Variants in OR5T2 observed in about 807,000 individuals in gnomAD.
The protein encoded by OR5T2 is olfactory receptor family 5 subfamily T member 2, also known as olfactory receptor 5T2.
A neutral mutation model predicts 13.7 loss-of-function variants in OR5T2; 12 were observed. That is an observed-to-expected ratio of 0.88 (90% CI 0.56 to 1.42). The LOEUF (loss-of-function observed/expected upper bound fraction) is 1.42, where lower values mean the gene tolerates loss of function less well. Ranked by LOEUF, OR5T2 falls within the 40% of genes most tolerant of loss-of-function variation. OR5T2 has a pLI of 0.00. For missense variants in OR5T2, 475 were observed against 372.0 expected, an observed-to-expected ratio of 1.28 and a Z score of -2.28; for synonymous variants, 146 against 139.5, an observed-to-expected ratio of 1.05 and a Z score of -0.33.
Position 56,232,513 on chromosome 11 carries a change from C to G in OR5T2, c.550G>C (p.Ala184Pro), listed in dbSNP as rs141670300. ...GTGTGAGTGTCAGAATAAGAAATAG[C>G]AAGGAGAGGAGGGATATCACAAAAG... The part of the protein sequence containing the change: ...RVFCDIPPLL[A>P]ISYSDTHTNQ... The change falls in exon 2 of 2, where the codon GCT becomes CCT. Residue 184 changes from alanine (A) to proline (P), a missense_variant. By Grantham distance (27) the Ala-to-Pro change is conservative. Coordinates refer to ENST00000641661, the MANE Select transcript of OR5T2 (RefSeq NM_001004746.4). 3.5e-5 allele frequency: 57 copies of G among 1,609,692 alleles called. No individual in the cohort carries two copies. The highest frequency in any genetic ancestry group is 4.6e-5 in the Non-Finnish European group (54 of 1,177,880).
chr11:56,231,990 A>G lies in OR5T2; in HGVS notation c.*116T>C. Reference sequence around the variant, plus strand: ...CAACATTATAACAAAAGACTGTAACAAAGGCTATGGGAATTATGAGCCAGG... The same window carrying G: ...CAACATTATAACAAAAGACTGTAACGAAGGCTATGGGAATTATGAGCCAGG... On this transcript the variant is annotated 3_prime_UTR_variant, in exon 2 of 2. Coordinates refer to ENST00000641661, the MANE Select transcript of OR5T2 (RefSeq NM_001004746.4). The G allele has an allele frequency of 1.2e-6, 1 of 836,596 alleles. No homozygotes were observed. The highest frequency in any genetic ancestry group is 2.3e-5 in the South Asian group (1 of 44,244). 51.8% of individuals were successfully genotyped at this position (836,596 alleles called of 1,614,324 possible).
In OR5T2 at chr11:56,232,130, T is replaced by C. The variant is rs1853289845; in HGVS notation, c.933A>G (p.Lys311=). The change falls in exon 2 of 2, where the codon AAA becomes AAG. Residue 311 remains lysine (K), a synonymous_variant. Coordinates refer to ENST00000641661, the MANE Select transcript of OR5T2 (RefSeq NM_001004746.4). Reference sequence around the variant, plus strand: ...TTTATTTTTTAGTATGAAAATATACTTTATTGATAACCTGATTTTTCCCAA... The same window carrying C: ...TTTATTTTTTAGTATGAAAATATACCTTATTGATAACCTGATTTTTCCCAA... ...KMFGKNQVIN[K]VYFHTKK The C allele has an allele frequency of 6.4e-7, 1 of 1,563,012 alleles. No homozygotes were observed. The highest frequency in any genetic ancestry group is 1.9e-5 in the Admixed American group (1 of 52,344).
chr11:56,233,140 G>T lies in OR5T2; in HGVS notation c.-78C>A. On this transcript the variant is annotated 5_prime_UTR_variant, in exon 2 of 2. Coordinates refer to ENST00000641661, the MANE Select transcript of OR5T2 (RefSeq NM_001004746.4). The stretch of plus-strand genomic sequence containing the variant: ...TGACAAAAAGAATGAACAACACCAT[G>T]ACTCAAGGGGATGTTAACTGTGCTC... 6.4e-7 allele frequency: 1 copy of T among 1,574,768 alleles called. No homozygotes were observed. The highest frequency in any genetic ancestry group is 8.6e-7 in the Non-Finnish European group (1 of 1,156,214).
Position 56,232,546 on chromosome 11 carries a change from T to A in OR5T2, c.517A>T (p.Arg173Trp), listed in dbSNP as rs749798603. The change falls in exon 2 of 2, where the codon AGG (arginine) becomes TGG (tryptophan). Residue 173 changes from arginine (R) to tryptophan (W), a missense_variant. By Grantham distance (101) the Arg-to-Trp change is moderately radical (BLOSUM62 -3). Transcript: ENST00000641661. ...GGAGGGATATCACAAAAGACACGCC[T>A]AATTTCATTGGCTCCACAGAAGGAT... is the stretch of plus-strand genomic sequence containing the variant. ...SLSFCGANEI[R>W]RVFCDIPPLL... The A allele has an allele frequency of 1.2e-6, 2 of 1,613,646 alleles. No homozygotes were observed. Among genetic ancestry groups the A allele is most frequent in the African/African-American group, 2.7e-5 (2 of 75,036 alleles).
chr11:56,232,935 A>C lies in OR5T2; in HGVS notation c.128T>G (p.Leu43Arg), dbSNP rs371509815. 17 of 1,611,548 alleles carry C rather than the reference A, an allele frequency of 1.1e-5. No homozygotes were observed. In the African/African-American group the frequency reaches 1.5e-4, roughly 14 times the overall value. ...GGAATCCCTAATGACCACTAAAATCAGTCCTAAATTTCCCATGAGAGTGAA... is the reference window on the plus strand; with the variant it reads ...GGAATCCCTAATGACCACTAAAATCCGTCCTAAATTTCCCATGAGAGTGAA... ...YLFTLMGNLG[L>R]ILVVIRDSQL... Residue 43 changes from leucine to arginine, a missense_variant, in exon 2 of 2, where the codon CTG (leucine) becomes CGG (arginine). Coordinates refer to ENST00000641661, the MANE Select transcript of OR5T2 (RefSeq NM_001004746.4).
rs773103720 is a variant in OR5T2, at chr11:56,232,357, A to G, written c.706T>C (p.Phe236Leu). ...MYSAEGRRKV[F>L]STCGAHLTGV... ...GTTAGGTGAGCTCCACATGTGGAGAAGACTTTTCTCCTCCCTTCAGCAGAA... is the reference window on the plus strand; with the variant it reads ...GTTAGGTGAGCTCCACATGTGGAGAGGACTTTTCTCCTCCCTTCAGCAGAA... Residue 236 changes from phenylalanine to leucine, a missense_variant, in exon 2 of 2, where the codon TTC becomes CTC. By Grantham distance (22) the Phe-to-Leu change is conservative (BLOSUM62 0). Coordinates refer to ENST00000641661, the MANE Select transcript of OR5T2 (RefSeq NM_001004746.4). 1 of 1,608,392 alleles carries G rather than the reference A, an allele frequency of 6.2e-7. No individual in the cohort carries two copies. The highest frequency in any genetic ancestry group is 8.5e-7 in the Non-Finnish European group (1 of 1,177,078).
Position 56,233,181 on chromosome 11 carries a change from G to T in OR5T2, c.-119C>A. ...AACTGTGCTCTTGTATATACTGTAC[G>T]ACATATATTCAGCAGTGCATAATTC... On this transcript the variant is annotated 5_prime_UTR_variant, in exon 2 of 2. It introduces an in-frame stop codon into an upstream open reading frame of the 5' UTR. Transcript: ENST00000641661. The T allele has an allele frequency of 6.6e-7, 1 of 1,522,702 alleles. No homozygotes were observed. The allele number at this position is 1,522,702 out of a possible 1,614,324, so 94.3% of individuals were successfully genotyped here.
At chr11:56,233,539 T>C (rs768208451) in intron 1 of OR5T2, among the ~76,000 whole-genome samples, 1 of 152,142 alleles carries the variant, frequency 6.6e-6, no homozygotes, top group Non-Finnish European at 1.5e-5. Flanking sequence ...TCTACTTGTC[T>C]ATAGAATGAG....
At position 56,232,204 on chromosome 11, in the gene OR5T2, T is replaced by C. The variant is rs753860149; in HGVS notation, c.859A>G (p.Ile287Val). The part of the protein sequence containing the change: ...TIVIPLLNPV[I>V]YSLRNKDVKD... ...ACATCTTTGTTCCTCAAACTGTAGA[T>C]GACGGGATTCAGCAAGGGAATCACA... The change falls in exon 2 of 2, where the codon ATC (isoleucine) becomes GTC (valine). Residue 287 changes from isoleucine (I) to valine (V), a missense_variant. Physicochemically the swap from Ile to Val is conservative, Grantham distance 29 (BLOSUM62 3). Transcript: ENST00000641661. 3 of 1,612,644 alleles carry C rather than the reference T, an allele frequency of 1.9e-6. No individual in the cohort carries two copies. The highest frequency in any genetic ancestry group is 2.5e-6 in the Non-Finnish European group (3 of 1,179,402).
rs1208729704 is a variant in OR5T2 at position 56,232,397 on chromosome 11, G to A, written c.666C>T (p.Ala222=). The A allele has an allele frequency of 3.1e-6, 5 of 1,610,722 alleles. No individual in the cohort carries two copies. The highest frequency in any genetic ancestry group is 1.7e-5 in the Admixed American group (1 of 59,910). The change falls in exon 2 of 2, where the codon GCC becomes GCT. Residue 222 remains alanine, a synonymous_variant. Coordinates refer to ENST00000641661, the MANE Select transcript of OR5T2 (RefSeq NM_001004746.4). ...CTTCAGCAGAATACATCTTCAGAATGGCCAACAGAATCAAACCATAGGAGA... is the reference window on the plus strand; with the variant it reads ...CTTCAGCAGAATACATCTTCAGAATAGCCAACAGAATCAAACCATAGGAGA... ...VLISYGLILL[A]ILKMYSAEGR... is the part of the protein sequence containing the mutation.
rs146086539 is a variant in OR5T2 at position 56,232,429 on chromosome 11, C to A, written c.634G>T (p.Val212Phe). 1.2e-6 allele frequency: 2 copies of A among 1,610,040 alleles called. No homozygotes were observed. Among genetic ancestry groups the A allele is most frequent in the Non-Finnish European group, 1.7e-6 (2 of 1,177,766 alleles). The change falls in exon 2 of 2, where the codon GTT becomes TTT. Residue 212 changes from valine (V) to phenylalanine (F), a missense_variant. Coordinates refer to ENST00000641661, the MANE Select transcript of OR5T2 (RefSeq NM_001004746.4). Reference sequence around the variant, plus strand: ...AGAATCAAACCATAGGAGATCAGAACAATCAGGATAGTGACCAGCTCGATA... The same window carrying A: ...AGAATCAAACCATAGGAGATCAGAAAAATCAGGATAGTGACCAGCTCGATA... The part of the protein sequence containing the change: ...GSIELVTILI[V>F]LISYGLILLA...
rs1853277592 is a variant in OR5T2 at position 56,231,501 on chromosome 11, C to G, written c.*605G>C. On this transcript the variant is annotated 3_prime_UTR_variant, in exon 2 of 2. Transcript: ENST00000641661. Reference sequence around the variant, plus strand: ...AGTCCCCAAAACTGCCCCCTGACAACACCAGTCACAAATTCGGGTCTCTGA... The same window carrying G: ...AGTCCCCAAAACTGCCCCCTGACAAGACCAGTCACAAATTCGGGTCTCTGA... 6.6e-6 allele frequency: 1 copy of G among 152,302 alleles called. No homozygotes were observed. The highest frequency in any genetic ancestry group is 1.9e-4 in the East Asian group (1 of 5,158). 9.4% of individuals were successfully genotyped at this position (152,302 alleles called of 1,614,324 possible).
chr11:56,234,030 T>C (rs1436027961), intron 1 of OR5T2, 147 bp downstream of exon 1: 2 of 152,056 alleles, frequency 1.3e-5, no homozygotes, highest in African/African-American at 2.4e-5. Flanking sequence ...CTTTTTAAAT[T>C]AATGCAAATC....
chr11:56,232,119 T>G lies in OR5T2; in HGVS notation c.944A>C (p.His315Pro), dbSNP rs777872853. Residue 315 changes from histidine (H) to proline (P), a missense_variant, in exon 2 of 2, where the codon CAT (histidine) becomes CCT (proline). His to Pro is a moderately conservative substitution (Grantham distance 77, BLOSUM62 -2). Coordinates refer to ENST00000641661, the MANE Select transcript of OR5T2 (RefSeq NM_001004746.4). ...ACCTTTTATAATTTATTTTTTAGTA[T>G]GAAAATATACTTTATTGATAACCTG... ...KNQVINKVYF[H>P]TKK The G allele has an allele frequency of 1.4e-5, 22 of 1,542,176 alleles. No homozygotes were observed. The African/African-American group carries it at 2.5e-4, about 17-fold the overall frequency.
rs1853319552 is a variant in OR5T2 at position 56,233,165 on chromosome 11, C to T, written c.-103G>A. On this transcript the variant is annotated 5_prime_UTR_variant, in exon 2 of 2. Coordinates refer to ENST00000641661, the MANE Select transcript of OR5T2 (RefSeq NM_001004746.4). ...GACTCAAGGGGATGTTAACTGTGCT[C>T]TTGTATATACTGTACGACATATATT... The T allele has an allele frequency of 6.5e-7, 1 of 1,549,142 alleles. No individual in the cohort carries two copies. Among genetic ancestry groups the T allele is most frequent in the African/African-American group, 1.4e-5 (1 of 73,024 alleles).
Position 56,232,653 on chromosome 11 carries a change from C to T in OR5T2, c.410G>A (p.Arg137Lys). 6.2e-7 allele frequency: 1 copy of T among 1,614,114 alleles called. No homozygotes were observed. The highest frequency in any genetic ancestry group is 1.1e-5 in the South Asian group (1 of 91,090). Residue 137 changes from arginine to lysine, a missense_variant, in exon 2 of 2, where the codon AGA becomes AAA. By Grantham distance (26) the Arg-to-Lys change is conservative. Coordinates refer to ENST00000641661, the MANE Select transcript of OR5T2 (RefSeq NM_001004746.4). ...AGCATTGATGAGTGGCATGTAGACT[C>T]TGGGTGACATGCTCACTGAATACAG... ...PLLYSVSMSP[R>K]VYMPLINASY...
rs775554683 is a variant in OR5T2, at chr11:56,232,563, C to T, written c.500G>A (p.Cys167Tyr). The change falls in exon 2 of 2, where the codon TGT (cysteine) becomes TAT (tyrosine). Residue 167 changes from cysteine (C) to tyrosine (Y), a missense_variant. By Grantham distance (194) the Cys-to-Tyr change is radical. Transcript: ENST00000641661. Reference sequence around the variant, plus strand: ...GACACGCCTAATTTCATTGGCTCCACAGAAGGATAGGCTAAATGTAGCCAC... The same window carrying T: ...GACACGCCTAATTTCATTGGCTCCATAGAAGGATAGGCTAAATGTAGCCAC... ...HTVATFSLSFCGANEIRRVFC... is the reference protein window; with the variant it reads ...HTVATFSLSFYGANEIRRVFC... 3 of 1,613,940 alleles carry T rather than the reference C, an allele frequency of 1.9e-6. No individual in the cohort carries two copies. The highest frequency in any genetic ancestry group is 2.5e-6 in the Non-Finnish European group (3 of 1,179,940).
chr11:56,232,170 G>A lies in OR5T2; in HGVS notation c.893C>T (p.Ser298Leu), dbSNP rs569336706. ...YSLRNKDVKD[S>L]MKKMFGKNQV... Reference sequence around the variant, plus strand: ...ATTTTTCCCAAACATTTTTTTCATTGAGTCTTTTACATCTTTGTTCCTCAA... The same window carrying A: ...ATTTTTCCCAAACATTTTTTTCATTAAGTCTTTTACATCTTTGTTCCTCAA... The change falls in exon 2 of 2, where the codon TCA (serine) becomes TTA (leucine). Residue 298 changes from serine (S) to leucine (L), a missense_variant. By Grantham distance (145) the Ser-to-Leu change is moderately radical. Transcript: ENST00000641661. 6 of 1,580,290 alleles carry A rather than the reference G, an allele frequency of 3.8e-6. No homozygotes were observed. Among genetic ancestry groups the A allele is most frequent in the East Asian group, 2.2e-5 (1 of 44,622 alleles).
At chr11:56,233,590 A>T (rs972178362) in intron 1 of OR5T2, among the ~76,000 whole-genome samples, 1 of 152,136 alleles carries the variant, frequency 6.6e-6, no homozygotes, top group Non-Finnish European at 1.5e-5. Flanking sequence ...TAAATATTGA[A>T]GGAAAATTGC....
Sources: gnomAD v4.1 joint callset for allele counts (sites outside exome capture counted in the v4.1 genomes callset) on GRCh38, gnomAD v4.1.1 for gene constraint, MANE v1.5 for transcripts, NCBI Gene and HGNC (gene_info 2026-07-23, HGNC 2026-07-21) for gene names.